Variants in RREB1 observed in about 807,000 individuals in gnomAD.
The protein encoded by RREB1 is ras-responsive element-binding protein 1.
RREB1 carries 27 observed loss-of-function variants against 117.8 expected under a neutral mutation model. That is an observed-to-expected ratio of 0.23 (90% CI 0.17 to 0.32). The LOEUF is 0.32. RREB1 is among the 10% of genes least tolerant of loss of function. The pLI is 1.00. For synonymous variants in RREB1, 1,298 were observed against 1,026.7 expected, an observed-to-expected ratio of 1.26 and a Z score of -5.05; for missense variants, 2,577 against 2,378.2, an observed-to-expected ratio of 1.08 and a Z score of -1.74.
At position 7,251,412 on chromosome 6, in the gene RREB1, CCTT is replaced by C. The variant is rs756342633; in HGVS notation, c.*2447_*2449del. 7.9e-5 allele frequency: 12 copies of C among 151,300 alleles called. No homozygotes were observed. The highest frequency in any genetic ancestry group is 1.2e-4 in the Non-Finnish European group (8 of 67,956). The allele number at this position is 151,300 out of a possible 1,614,324, so 9.4% of individuals were successfully genotyped here. On this transcript the variant is annotated 3_prime_UTR_variant, in exon 13 of 13. Transcript: ENST00000379938. ...ATACATTTTGTTTGATTCTCTTTCT[CCTT>C]CTCTCAGGGCTTTTACAAAAAAATA...
At chr6:7,164,481 A>G (rs533922186) in intron 1 of RREB1, among the ~76,000 whole-genome samples, 1 of 152,344 alleles carries the variant, frequency 6.6e-6, no homozygotes. Flanking sequence ...TTAACCTCAC[A>G]TATGCTGATG....
intron 1 of RREB1, among the ~76,000 whole-genome samples, chr6:7,130,233 C>A (rs1762093654): frequency 6.6e-6 from 1 of 152,310 alleles, no homozygotes. Flanking sequence ...CCTCCATAGC[C>A]AACACTCCTT....
chr6:7,227,561 TTAAATA>T (rs1007852040), intron 9 of RREB1, among the ~76,000 whole-genome samples: 2 of 151,888 alleles, frequency 1.3e-5, no homozygotes, highest in African/African-American at 4.8e-5. Flanking sequence ...AATTTTTTTT[TTAAATA>T]AAATAAAAGT....
chr6:7,157,959 G>A (rs1166411866), intron 1 of RREB1, among the ~76,000 whole-genome samples: 1 of 152,036 alleles, frequency 6.6e-6, no homozygotes, highest in Non-Finnish European at 1.5e-5. Flanking sequence ...CCTACCAGGG[G>A]TGTTTTCATG....
intron 1 of RREB1, among the ~76,000 whole-genome samples, chr6:7,132,330 C>T (rs1762188219): frequency 6.6e-6 from 1 of 151,684 alleles, no homozygotes; most frequent in Non-Finnish European, 1.5e-5. Context: ...GCTGGGATTG[C>T]AGATGTGAGC....
chr6:7,142,264 C>A (rs2113390686), intron 1 of RREB1, among the ~76,000 whole-genome samples: 1 of 152,160 alleles, frequency 6.6e-6, no homozygotes, highest in East Asian at 1.9e-4. Context: ...AGGTGGAGGA[C>A]CACACAAAAC....
chr6:7,109,887 AT>A (rs932109127), intron 1 of RREB1, among the ~76,000 whole-genome samples: 5 of 152,168 alleles, frequency 3.3e-5, no homozygotes, highest in African/African-American at 4.8e-5. Flanking sequence ...GAATAAAAAA[AT>A]ATAACGTTTT....
chr6:7,189,964 T>G (rs1479747594), intron 6 of RREB1, among the ~76,000 whole-genome samples: 1 of 152,216 alleles, frequency 6.6e-6, no homozygotes, highest in Non-Finnish European at 1.5e-5. Flanking sequence ...GGGTTTACTT[T>G]TCCATATTCC....
At chr6:7,220,177 C>G (rs939148394) in intron 8 of RREB1, among the ~76,000 whole-genome samples, 2 of 152,228 alleles carry the variant, frequency 1.3e-5, no homozygotes, top group African/African-American at 4.8e-5. Context: ...TCTACTCCAG[C>G]ACTCTAAAGT....
At chr6:7,151,722 G>T (rs546802078) in intron 1 of RREB1, among the ~76,000 whole-genome samples, 4 of 152,322 alleles carry the variant, frequency 2.6e-5, no homozygotes, top group Middle Eastern at 3.4e-3. Context: ...CAGGGAGAAG[G>T]TGGCCTTGCC....
intron 1 of RREB1, among the ~76,000 whole-genome samples, chr6:7,155,408 G>A (rs901313315): frequency 2.0e-5 from 3 of 152,232 alleles, no homozygotes; most frequent in Non-Finnish European, 4.4e-5. Context: ...CCGGGTTTAA[G>A]CGATTCTCCT....
chr6:7,143,122 T>G (rs1484985439), intron 1 of RREB1, among the ~76,000 whole-genome samples: 1 of 152,200 alleles, frequency 6.6e-6, no homozygotes, highest in African/African-American at 2.4e-5. Flanking sequence ...AAATGATACA[T>G]AAGGAAATTC....
In RREB1 at chr6:7,189,295, C is replaced by A; in HGVS notation, c.398C>A (p.Ser133Ter). 1 of 1,596,768 alleles carries A rather than the reference C, an allele frequency of 6.3e-7. No homozygotes were observed. Among genetic ancestry groups the A allele is most frequent in the South Asian group, 1.1e-5 (1 of 88,780 alleles). ...TACAAGTGCACTGTGTGTGGCCAGT[C>A]ATTTACCACCAATGGGAACATGCAC... The part of the protein sequence containing the change: ...RPYKCTVCGQ[S>*]FTTNGNMHRH... The change falls in exon 6 of 13, where the codon TCA (serine) becomes TAA (stop). Residue 133 changes from serine (S) to a stop codon, truncating the protein, a stop_gained. Transcript: ENST00000379938. LOFTEE classifies it high-confidence loss of function.
intron 4 of RREB1, 45 bp downstream of exon 4, chr6:7,182,127 T>C (rs761919250): frequency 2.6e-6 from 4 of 1,510,032 alleles, no homozygotes; most frequent in Non-Finnish European, 3.7e-6. Flanking sequence ...GTTCAATCCA[T>C]GAGAACATTG....
chr6:7,175,552 GC>G (rs1375537761), intron 1 of RREB1, among the ~76,000 whole-genome samples: 1 of 152,192 alleles, frequency 6.6e-6, no homozygotes, highest in African/African-American at 2.4e-5. Context: ...GTTGTTTCTC[GC>G]CCGGTGTTGT....
rs1764516867 is a variant in RREB1 at position 7,176,772 on chromosome 6, A to C, written c.-167A>C. The C allele has an allele frequency of 6.5e-6, 1 of 152,672 alleles. No homozygotes were observed. The highest frequency in any genetic ancestry group is 1.5e-5 in the Non-Finnish European group (1 of 68,050). The allele number at this position is 152,672 out of a possible 1,614,324, so 9.5% of individuals were successfully genotyped here. Reference sequence around the variant, plus strand: ...GGCAGCTTGATAACACAAAGAAAACAGGTTAGTGAAACAGTTTTCACTCGC... The same window carrying C: ...GGCAGCTTGATAACACAAAGAAAACCGGTTAGTGAAACAGTTTTCACTCGC... On this transcript the variant is annotated splice_region_variant and 5_prime_UTR_variant, in exon 2 of 13. Coordinates refer to ENST00000379938, the MANE Select transcript of RREB1 (RefSeq NM_001003699.4).
At position 7,246,575 on chromosome 6, in the gene RREB1, G is replaced by T. The variant is rs112176077; in HGVS notation, c.4125G>T (p.Ser1375=). 1 of 1,550,812 alleles carries T rather than the reference G, an allele frequency of 6.4e-7. No homozygotes were observed. The change falls in exon 12 of 13, where the codon TCG becomes TCT. Residue 1375 remains serine, a synonymous_variant. Coordinates refer to ENST00000379938, the MANE Select transcript of RREB1 (RefSeq NM_001003699.4). ...AGCAGGCCACGGCGGAAACGGCCTCGCCGGTGCACCGGGAAGAGCACGGGC... is the reference window on the plus strand; with the variant it reads ...AGCAGGCCACGGCGGAAACGGCCTCTCCGGTGCACCGGGAAGAGCACGGGC... ...PVEQATAETA[S]PVHREEHGRG...
intron 8 of RREB1, chr6:7,217,809 C>T (rs1456829836): frequency 6.6e-6 from 1 of 152,130 alleles, no homozygotes; most frequent in Non-Finnish European, 1.5e-5. Context: ...CCAACATTTA[C>T]AGTTATAGGT....
intron 5 of RREB1, among the ~76,000 whole-genome samples, chr6:7,188,226 C>CT (rs1554122397): frequency 1.3e-5 from 2 of 149,302 alleles, no homozygotes; most frequent in East Asian, 2.0e-4. Flanking sequence ...CCCCCCCACA[C>CT]GTGTGTGTGT....
Sources: gnomAD v4.1 joint callset for allele counts (sites outside exome capture counted in the v4.1 genomes callset) on GRCh38, gnomAD v4.1.1 for gene constraint, MANE v1.5 for transcripts, NCBI Gene and HGNC (gene_info 2026-07-23, HGNC 2026-07-21) for gene names.